Variants in ABCB9 observed in about 807,000 individuals in gnomAD.
ABCB9 encodes the protein ATP binding cassette subfamily B member 9.
In ABCB9, 36 loss-of-function variants were observed where a neutral mutation model predicts 62.0. The ratio of observed to expected loss-of-function variants is 0.58; its 90% confidence interval spans 0.45 to 0.77. ABCB9 has a LOEUF of 0.77. Ranked by LOEUF, ABCB9 falls within the 30% of genes least tolerant of loss-of-function variation. The pLI is 0.00. For synonymous variants in ABCB9, 435 were observed against 461.4 expected, an observed-to-expected ratio of 0.94 and a Z score of 0.73; for missense variants, 943 against 1,054.7, an observed-to-expected ratio of 0.89 and a Z score of 1.47.
Position 122,947,461 on chromosome 12 carries a change from G to T in ABCB9, c.1053+1163C>A, listed in dbSNP as rs1378343768. ...CAACACCAAAGGCTCCAATGGAGCT[G>T]CGACAATGACTTACCCGGCACCACC... On this transcript the variant is annotated intron_variant, in intron 5 of 11. Transcript: ENST00000280560. This position sits in a 1 kb window ranked among gnomAD's most constrained non-coding sequence, Gnocchi z 6.0. The T allele has an allele frequency of 2.2e-6, 1 of 454,404 alleles. No individual in the cohort carries two copies. The highest frequency in any genetic ancestry group is 1.6e-5 in the South Asian group (1 of 64,418). The allele number at this position is 454,404 out of a possible 1,614,324, so 28.1% of individuals were successfully genotyped here.
chr12:122,934,387 G>A (rs977177614), intron 10 of ABCB9, among the ~76,000 whole-genome samples: 5 of 151,960 alleles, frequency 3.3e-5, no homozygotes, highest in Admixed American at 6.6e-5. Context: ...GGGGCTATTC[G>A]TGTGGTTCAA....
chr12:122,965,942 T>C (rs976218542), intron 1 of ABCB9, among the ~76,000 whole-genome samples: 1 of 152,084 alleles, frequency 6.6e-6, no homozygotes, highest in African/African-American at 2.4e-5. Flanking sequence ...AGCCCTGACA[T>C]GGACAGTGGG....
chr12:122,925,075 C>T (rs1209757155), downstream of ABCB9, among the ~76,000 whole-genome samples: 1 of 152,072 alleles, frequency 6.6e-6, no homozygotes, highest in Non-Finnish European at 1.5e-5. Context: ...TGCCACCATG[C>T]CCGGCTAGCA....
Position 122,940,382 on chromosome 12 carries a change from C to A in ABCB9, c.1570-98G>T. On this transcript the variant is annotated intron_variant, in intron 8 of 11. Coordinates refer to ENST00000280560, the MANE Select transcript of ABCB9 (RefSeq NM_019625.4). This position sits in a 1 kb window ranked among gnomAD's most constrained non-coding sequence, Gnocchi z 4.8. ...ACAGGTGGGTGCCCTTCCCAGCCCA[C>A]CCCATGTGCCTCTCCCTCGCTTGGG... 1 of 1,394,246 alleles carries A rather than the reference C, an allele frequency of 7.2e-7. No homozygotes were observed. Among genetic ancestry groups the A allele is most frequent in the Non-Finnish European group, 9.7e-7 (1 of 1,036,116 alleles). The allele number at this position is 1,394,246 out of a possible 1,614,324, so 86.4% of individuals were successfully genotyped here.
At chr12:122,957,477 GGGATTTGTGCCCA>G (rs1364941901) in intron 2 of ABCB9, among the ~76,000 whole-genome samples, 1 of 152,138 alleles carries the variant, frequency 6.6e-6, no homozygotes, top group African/African-American at 2.4e-5. Context: ...GAGCAGGACA[GGGATTTGTGCCCA>G]GGCCTCGTTG....
Position 122,931,981 on chromosome 12 carries a change from C to T in ABCB9, c.2040+211G>A, listed in dbSNP as rs73408835. 0.013 allele frequency: 10,269 copies of T among 810,600 alleles called. 671 individuals carry two copies. In the African/African-American group the frequency reaches 0.15, roughly 12 times the overall value. 50.2% of individuals were successfully genotyped at this position (810,600 alleles called of 1,614,324 possible). A position where few individuals can be genotyped will look rare whatever the true frequency, so the allele number is the denominator to read the frequency against. ...TTCTGATGCCTTCTCTTGCCCCACA[C>T]CATACAGCTCTGCCTGGAGCCTGGA... is the stretch of plus-strand genomic sequence containing the variant. On this transcript the variant is annotated intron_variant, in intron 11 of 11. Transcript: ENST00000280560.
Position 122,944,309 on chromosome 12 carries a change from AGCCCC to A in ABCB9, c.1380+77_1380+81del. 1 of 1,513,138 alleles carries A rather than the reference AGCCCC, an allele frequency of 6.6e-7. No individual in the cohort carries two copies. The highest frequency in any genetic ancestry group is 8.9e-7 in the Non-Finnish European group (1 of 1,119,684). 93.7% of individuals were successfully genotyped at this position (1,513,138 alleles called of 1,614,324 possible). On this transcript the variant is annotated intron_variant, in intron 7 of 11. Coordinates refer to ENST00000280560, the MANE Select transcript of ABCB9 (RefSeq NM_019625.4). The surrounding 1 kb of genome is among the most constrained non-coding windows in gnomAD (Gnocchi z 4.9). ...AATACCACATTGTCAGAGTCCCTGGAGCCCCGCCCCCACCCTGTTAAGATCCCTCT... is the reference window on the plus strand; with the variant it reads ...AATACCACATTGTCAGAGTCCCTGGAGCCCCCACCCTGTTAAGATCCCTCT...
At chr12:122,923,224 T>G (rs2034794097) in intron 11 of ABCB9, among the ~76,000 whole-genome samples, 2 of 151,240 alleles carry the variant, frequency 1.3e-5, no homozygotes, top group South Asian at 4.2e-4. Flanking sequence ...CGTTTCAGGC[T>G]CCTGAGGAGC....
intron 7 of ABCB9, among the ~76,000 whole-genome samples, chr12:122,943,327 C>T (rs1339663617): frequency 1.3e-5 from 2 of 152,302 alleles, no homozygotes; most frequent in African/African-American, 4.8e-5. Context: ...GATCACCTCC[C>T]AAACAAATCC....
intron 1 of ABCB9, among the ~76,000 whole-genome samples, chr12:122,972,669 C>G (rs142369902): frequency 6.6e-6 from 1 of 152,152 alleles, no homozygotes; most frequent in Non-Finnish European, 1.5e-5. Context: ...TGCTACCACG[C>G]CTGGATAATT....
At chr12:122,931,991 C>T (rs917484710) in intron 11 of ABCB9, 1 of 898,142 alleles carries the variant, frequency 1.1e-6, no homozygotes, top group Non-Finnish European at 1.7e-6. Flanking sequence ...CCATACAGCT[C>T]TGCCTGGAGC....
upstream of ABCB9, chr12:122,966,635 G>C (rs1056290068): frequency 6.6e-6 from 1 of 152,154 alleles, no homozygotes; most frequent in African/African-American, 2.4e-5. Context: ...CGAAGCCTCC[G>C]GGTGGGGACG....
downstream of ABCB9, chr12:122,924,632 G>A: frequency 1.4e-6 from 2 of 1,456,734 alleles, no homozygotes; most frequent in Non-Finnish European, 1.8e-6. Context: ...TCTAATGTGG[G>A]AAAGAAACAA....
At chr12:122,963,940 G>A (rs756884973) in intron 1 of ABCB9, among the ~76,000 whole-genome samples, 2 of 152,164 alleles carry the variant, frequency 1.3e-5, no homozygotes, top group African/African-American at 4.8e-5. Context: ...TGCTGCCCAC[G>A]CAGGCTCCTG....
intron 11 of ABCB9, among the ~76,000 whole-genome samples, chr12:122,931,152 G>C (rs1306227741): frequency 6.6e-6 from 1 of 151,896 alleles, no homozygotes; most frequent in African/African-American, 2.4e-5. Context: ...AGCCTCCCAA[G>C]TAGCTAGGAT....
At chr12:122,953,590 G>T (rs1405421777) in intron 2 of ABCB9, among the ~76,000 whole-genome samples, 1 of 152,142 alleles carries the variant, frequency 6.6e-6, no homozygotes, top group East Asian at 1.9e-4. Flanking sequence ...GTTTCACCAT[G>T]TTGGCCTGGC....
In ABCB9 at chr12:122,935,395, G is replaced by C. The variant is rs370215646; in HGVS notation, c.1780C>G (p.Arg594Gly). Residue 594 changes from arginine (R) to glycine (G), a missense_variant, in exon 10 of 12, where the codon CGC becomes GGC. Transcript: ENST00000280560. ...TAGGAGATGTTATCCGTGATGGAGC[G>C]GGCGAACAGCACGGGCTCCTGGCTC... ...LVSQEPVLFA[R>G]SITDNISYGL... The C allele has an allele frequency of 8.7e-6, 14 of 1,613,894 alleles. No homozygotes were observed. The highest frequency in any genetic ancestry group is 1.7e-4 in the Middle Eastern group (1 of 6,060).
At chr12:122,960,355 G>A in intron 1 of ABCB9, 33 bp from the exon 2 acceptor site, 3 of 1,391,834 alleles carry the variant, frequency 2.2e-6, no homozygotes, top group Non-Finnish European at 2.9e-6. Flanking sequence ...CAGCACAAGG[G>A]GTTCAGGTTT....
At chr12:122,952,271 C>T (rs1166393975) in intron 2 of ABCB9, 2 of 152,272 alleles carry the variant, frequency 1.3e-5, no homozygotes, top group Non-Finnish European at 2.9e-5. Context: ...GTCCACTCTC[C>T]TCTTAAGGAA....
Sources: allele counts gnomAD v4.1 joint callset (sites outside exome capture counted in the v4.1 genomes callset), GRCh38; gene constraint gnomAD v4.1.1; non-coding constraint Gnocchi (gnomAD v3.1); transcripts MANE v1.5; gene names NCBI Gene and HGNC (gene_info 2026-07-23, HGNC 2026-07-21).